The following ST3GAL3 variants were observed in gnomAD, a reference collection of about 807,000 sequenced individuals.
The protein encoded by ST3GAL3 is CMP-N-acetylneuraminate-beta-1,4-galactoside alpha-2,3-sialyltransferase.
In ST3GAL3, 21 loss-of-function variants were observed where a neutral mutation model predicts 50.1. The observed-to-expected ratio is 0.42, with a 90% CI of 0.30 to 0.60. ST3GAL3 has a LOEUF of 0.60. Ranked by LOEUF, ST3GAL3 falls within the 20% of genes least tolerant of loss-of-function variation. The pLI is 0.19. For missense variants in ST3GAL3, 353 were observed against 489.4 expected (o/e 0.72, Z 2.63); for synonymous variants, 183 against 190.0 (o/e 0.96, Z 0.30).
At chr1:43,815,081 G>T (rs781445146) in intron 4 of ST3GAL3, 148 bp downstream of exon 4, 1 of 845,378 alleles carries the variant, frequency 1.2e-6, no homozygotes, top group Non-Finnish European at 2.0e-6. Context: ...AGAATCTTGG[G>T]GCATGTTACA....
At position 43,898,334 on chromosome 1, in the gene ST3GAL3, T is replaced by C. The variant is rs200981054; in HGVS notation, c.461+36T>C. On this transcript the variant is annotated intron_variant, in intron 7 of 11. Coordinates refer to ENST00000347631, the MANE Select transcript of ST3GAL3 (RefSeq NM_006279.5). Reference sequence around the variant, plus strand: ...CACTGTGCAGCCTCCTACCCACCGCTGCCTGGTGGTGTGCAGAGGTGTTGA... The same window carrying C: ...CACTGTGCAGCCTCCTACCCACCGCCGCCTGGTGGTGTGCAGAGGTGTTGA... The C allele has an allele frequency of 2.6e-5, 42 of 1,608,450 alleles. No individual in the cohort carries two copies. In the Admixed American group the frequency reaches 7.0e-4, roughly 27 times the overall value.
chr1:43,869,155 T>C lies in ST3GAL3; in HGVS notation c.303-25228T>C, dbSNP rs548814458. 2.6e-5 allele frequency among the ~76,000 whole-genome samples: 4 copies of C among 152,184 alleles called. No homozygotes were observed. The South Asian group carries it at 6.2e-4, about 24-fold the overall frequency. ...TACCTAGTCCATTCCCCACTTCCAATAGCTGGAAGTCCTTGACCTGCAGAA... is the reference window on the plus strand; with the variant it reads ...TACCTAGTCCATTCCCCACTTCCAACAGCTGGAAGTCCTTGACCTGCAGAA... On this transcript the variant is annotated intron_variant, in intron 5 of 11. Coordinates refer to ENST00000347631, the MANE Select transcript of ST3GAL3 (RefSeq NM_006279.5).
At chr1:43,862,597 C>G (rs2070267867) in intron 5 of ST3GAL3, among the ~76,000 whole-genome samples, 1 of 151,932 alleles carries the variant, frequency 6.6e-6, no homozygotes, top group Non-Finnish European at 1.5e-5. Context: ...CTTCCCAGGA[C>G]CAACACCAGC....
At chr1:43,807,080 G>A (rs924277124) in intron 3 of ST3GAL3, among the ~76,000 whole-genome samples, 2 of 152,202 alleles carry the variant, frequency 1.3e-5, no homozygotes, top group Non-Finnish European at 2.9e-5. Flanking sequence ...GTTCAGCCTC[G>A]CAGGAACATT....
At chr1:43,784,021 A>G (rs1177780174) in intron 2 of ST3GAL3, among the ~76,000 whole-genome samples, 1 of 152,196 alleles carries the variant, frequency 6.6e-6, no homozygotes, top group East Asian at 1.9e-4. Context: ...CTCCTGAAAG[A>G]AACCCTACTA....
At chr1:43,781,662 C>CA (rs1352541142) in intron 2 of ST3GAL3, among the ~76,000 whole-genome samples, 8 of 150,430 alleles carry the variant, frequency 5.3e-5, no homozygotes, top group South Asian at 4.2e-4. Context: ...CAAAACAAAA[C>CA]AAAAAAACAG....
At chr1:43,917,368 A>G (rs989048418) in intron 9 of ST3GAL3, among the ~76,000 whole-genome samples, 3 of 140,702 alleles carry the variant, frequency 2.1e-5, no homozygotes, top group Non-Finnish European at 4.5e-5. Flanking sequence ...AGTTTTTAAA[A>G]TATGCATTTC....
chr1:43,820,113 T>C (rs951162518), intron 4 of ST3GAL3, among the ~76,000 whole-genome samples: 1 of 152,036 alleles, frequency 6.6e-6, no homozygotes, highest in Non-Finnish European at 1.5e-5. Context: ...AACAGACACA[T>C]AGACCAATGG....
chr1:43,782,948 A>G (rs1699836638), intron 2 of ST3GAL3, among the ~76,000 whole-genome samples: 1 of 152,208 alleles, frequency 6.6e-6, no homozygotes, highest in African/African-American at 2.4e-5. Context: ...TAATTACAGG[A>G]TGCTGCCCCA....
chr1:43,708,138 T>C (rs1309241379), intron 1 of ST3GAL3: 1 of 152,292 alleles, frequency 6.6e-6, no homozygotes, highest in Non-Finnish European at 1.5e-5. Flanking sequence ...CTGGGGTCAG[T>C]TTGATCGGCA....
chr1:43,851,332 C>T, intron 5 of ST3GAL3: 1 of 1,519,918 alleles, frequency 6.6e-7, no homozygotes, highest in Non-Finnish European at 9.1e-7. Context: ...CCATGATGCA[C>T]CCATGGGTTT....
In ST3GAL3 at chr1:43,795,955, G is replaced by A. The variant is rs1404924032; in HGVS notation, c.166+3806G>A. 2.0e-5 allele frequency among the ~76,000 whole-genome samples: 3 copies of A among 152,146 alleles called. No individual in the cohort carries two copies. The East Asian group carries it at 5.8e-4, about 29-fold the overall frequency. On this transcript the variant is annotated intron_variant, in intron 3 of 11. Coordinates refer to ENST00000347631, the MANE Select transcript of ST3GAL3 (RefSeq NM_006279.5). Reference sequence around the variant, plus strand: ...AGCAATGGACACCAAGGCACAAACAGCTTCAGGAAAAGACCTCTAGTTAAA... The same window carrying A: ...AGCAATGGACACCAAGGCACAAACAACTTCAGGAAAAGACCTCTAGTTAAA...
intron 5 of ST3GAL3, among the ~76,000 whole-genome samples, chr1:43,859,235 C>G (rs866828828): frequency 6.6e-6 from 1 of 152,108 alleles, no homozygotes. Flanking sequence ...TCTTTGTGGC[C>G]CTTGTGTTGG....
intron 11 of ST3GAL3, among the ~76,000 whole-genome samples, chr1:43,924,534 G>A (rs1165948226): frequency 1.3e-5 from 2 of 152,204 alleles, no homozygotes; most frequent in Non-Finnish European, 2.9e-5. Flanking sequence ...GGGAGACATG[G>A]GTGAGTTTGA....
At chr1:43,846,323 T>G (rs1399538623) in intron 5 of ST3GAL3, among the ~76,000 whole-genome samples, 1 of 152,248 alleles carries the variant, frequency 6.6e-6, no homozygotes, top group Admixed American at 6.5e-5. Context: ...TTCTAATAGA[T>G]TCCTTCATTA....
intron 5 of ST3GAL3, chr1:43,858,163 A>G: frequency 1.6e-6 from 2 of 1,289,376 alleles, no homozygotes; most frequent in Non-Finnish European, 2.0e-6. Context: ...ATGGAGACAA[A>G]AACATATCCA....
At chr1:43,909,837 C>A (rs2080481924) in intron 9 of ST3GAL3, among the ~76,000 whole-genome samples, 1 of 152,162 alleles carries the variant, frequency 6.6e-6, no homozygotes, top group Non-Finnish European at 1.5e-5. Flanking sequence ...GGAAACTGAA[C>A]AGATCACACA....
At chr1:43,831,731 A>G (rs1335166176) in intron 4 of ST3GAL3, 1 of 152,214 alleles carries the variant, frequency 6.6e-6, no homozygotes, top group Non-Finnish European at 1.5e-5. Context: ...TATCTCAAAG[A>G]TGGGACTGCT....
chr1:43,733,733 T>C (rs1676948007), intron 1 of ST3GAL3, among the ~76,000 whole-genome samples: 1 of 152,218 alleles, frequency 6.6e-6, no homozygotes, highest in Non-Finnish European at 1.5e-5. Context: ...GTTCAGAAAA[T>C]TCATGGATTT....
Sources: allele counts gnomAD v4.1 joint callset (sites outside exome capture counted in the v4.1 genomes callset), GRCh38; gene constraint gnomAD v4.1.1; transcripts MANE v1.5; gene names NCBI Gene and HGNC (gene_info 2026-07-23, HGNC 2026-07-21).